Variants in NOL7 observed in about 807,000 individuals in gnomAD.
The protein encoded by NOL7 is U3 small nucleolar RNA-associated protein NOL7.
In NOL7, 36 loss-of-function variants were observed where a neutral mutation model predicts 38.4. That is an observed-to-expected ratio of 0.94 (90% CI 0.72 to 1.24). The LOEUF (loss-of-function observed/expected upper bound fraction) is 1.24. Among genes scored for constraint, NOL7 ranks in the 50% most tolerant of loss-of-function variants. The pLI is 0.00. For synonymous variants in NOL7, 142 were observed against 126.5 expected, an observed-to-expected ratio of 1.12 and a Z score of -0.82; for missense variants, 350 against 315.1, an observed-to-expected ratio of 1.11 and a Z score of -0.84.
At chr6:13,623,074 T>C (rs1442740284), downstream of NOL7, among the ~76,000 whole-genome samples, 3 of 152,138 alleles carry the variant, frequency 2.0e-5, no homozygotes, top group African/African-American at 7.2e-5. Flanking sequence ...CAGTGGACAG[T>C]TCAGACATTT....
At chr6:13,626,575 G>A (rs550336805), downstream of NOL7, among the ~76,000 whole-genome samples, 32 of 152,260 alleles carry the variant, frequency 2.1e-4, no homozygotes, top group South Asian at 8.3e-4. Context: ...AATAAATGAC[G>A]TCTTATTATT....
At chr6:13,621,947 G>A (rs980865068), downstream of NOL7, 7 of 153,840 alleles carry the variant, frequency 4.6e-5, no homozygotes, top group Non-Finnish European at 5.8e-5. Context: ...ATGCTTATAT[G>A]GGAGTGGGGG....
At chr6:13,631,342 G>A (rs964300148) in intron 8 of NOL7, among the ~76,000 whole-genome samples, 1 of 152,094 alleles carries the variant, frequency 6.6e-6, no homozygotes, top group African/African-American at 2.4e-5. Flanking sequence ...CCTAGGCCAG[G>A]CAAGCATGTT....
At position 13,621,220 on chromosome 6, in the gene NOL7, A is replaced by G. The variant is rs556107451; in HGVS notation, c.*393A>G. On this transcript the variant is annotated 3_prime_UTR_variant, in exon 8 of 8. Coordinates refer to ENST00000451315, the MANE Select transcript of NOL7 (RefSeq NM_016167.5). Reference sequence around the variant, plus strand: ...CACAAAATATAGCTAACAGCTTTTAAATTTTTACTTTTAACCAGTCTGGGG... The same window carrying G: ...CACAAAATATAGCTAACAGCTTTTAGATTTTTACTTTTAACCAGTCTGGGG... 1 of 154,610 alleles carries G rather than the reference A, an allele frequency of 6.5e-6. No individual in the cohort carries two copies. The highest frequency in any genetic ancestry group is 2.4e-5 in the African/African-American group (1 of 41,600). 9.6% of individuals were successfully genotyped at this position (154,610 alleles called of 1,614,324 possible). A position where few individuals can be genotyped will look rare whatever the true frequency, so the allele number is the denominator to read the frequency against.
chr6:13,628,498 A>T (rs998010312), intron 8 of NOL7, among the ~76,000 whole-genome samples: 4 of 152,226 alleles, frequency 2.6e-5, no homozygotes, highest in Non-Finnish European at 5.9e-5. Flanking sequence ...CCAATAAGGA[A>T]ATAAGGTTTT....
chr6:13,619,998 TA>T (rs1403514179), intron 5 of NOL7, among the ~76,000 whole-genome samples: 1 of 151,774 alleles, frequency 6.6e-6, no homozygotes, highest in Non-Finnish European at 1.5e-5. Flanking sequence ...CTACTGAAAA[TA>T]AAAAAATTAG....
In NOL7 at chr6:13,632,251, G is replaced by C. The variant is rs1764808044; in HGVS notation, n.574-142G>C. 1.5e-5 allele frequency: 13 copies of C among 859,988 alleles called. No homozygotes were observed. In the Admixed American group the frequency reaches 4.3e-4, roughly 28 times the overall value. 53.3% of individuals were successfully genotyped at this position (859,988 alleles called of 1,614,324 possible). ...CACTCTCAGATGGGCAAGGAGCCAGGGGGAAGGTCAGGTCCCAGTTCCCTA... is the reference window on the plus strand; with the variant it reads ...CACTCTCAGATGGGCAAGGAGCCAGCGGGAAGGTCAGGTCCCAGTTCCCTA... On this transcript the variant is annotated intron_variant and non_coding_transcript_variant, in intron 8 of 8. Coordinates refer to the NOL7 transcript ENST00000474485.
chr6:13,615,865 G>A, intron 2 of NOL7, 93 bp downstream of exon 2: 1 of 1,276,468 alleles, frequency 7.8e-7, no homozygotes, highest in Non-Finnish European at 1.1e-6. Context: ...GGATATTGGA[G>A]TGGGGAAACA....
At chr6:13,631,105 G>A (rs1056334565) in intron 8 of NOL7, among the ~76,000 whole-genome samples, 7 of 152,094 alleles carry the variant, frequency 4.6e-5, no homozygotes, top group African/African-American at 7.2e-5. Context: ...ACCGCGCCCG[G>A]CCTGATTTGA....
At position 13,620,277 on chromosome 6, in the gene NOL7, A is replaced by C. The variant is rs1005290369; in HGVS notation, c.570A>C (p.Ala190=). 1.9e-6 allele frequency: 3 copies of C among 1,614,124 alleles called. No individual in the cohort carries two copies. The African/African-American group carries it at 4.0e-5, about 22-fold the overall frequency. ...QDLRDSRQQA[A]QAFIHNSLYG... Reference sequence around the variant, plus strand: ...TGAGAGATTCAAGGCAACAAGCAGCACAAGCCTTCATACATAATTCATTAT... The same window carrying C: ...TGAGAGATTCAAGGCAACAAGCAGCCCAAGCCTTCATACATAATTCATTAT... The change falls in exon 6 of 8, where the codon GCA becomes GCC. Residue 190 remains alanine, a synonymous_variant. Transcript: ENST00000451315.
intron 8 of NOL7, among the ~76,000 whole-genome samples, chr6:13,626,865 A>G (rs946821896): frequency 3.3e-5 from 5 of 152,204 alleles, no homozygotes; most frequent in African/African-American, 9.6e-5. Context: ...AGGTGGGGGA[A>G]AGGCTTCTGA....
chr6:13,616,484 A>C lies in NOL7; in HGVS notation c.349A>C (p.Thr117Pro), dbSNP rs772497148. The C allele has an allele frequency of 1.9e-6, 3 of 1,608,920 alleles. No individual in the cohort carries two copies. Among genetic ancestry groups the C allele is most frequent in the South Asian group, 2.2e-5 (2 of 89,902 alleles). The change falls in exon 3 of 8, where the codon ACT becomes CCT. Residue 117 changes from threonine to proline, a missense_variant. Thr to Pro is a conservative substitution (Grantham distance 38, BLOSUM62 -1). Coordinates refer to ENST00000451315, the MANE Select transcript of NOL7 (RefSeq NM_016167.5). The stretch of plus-strand genomic sequence containing the variant: ...AAAGAAAAGAAAACTCCTTCCAGAC[A>C]CTATTTTGGAGAAGTTAACCACAGC... ...EQKKRKLLPD[T>P]ILEKLTTASQ...
At chr6:13,617,419 A>G (rs1172670597) in intron 3 of NOL7, among the ~76,000 whole-genome samples, 1 of 152,178 alleles carries the variant, frequency 6.6e-6, no homozygotes, top group African/African-American at 2.4e-5. Context: ...GATTTCTCCA[A>G]ATGAAATGAG....
downstream of NOL7, chr6:13,625,686 G>A: frequency 6.2e-7 from 1 of 1,612,760 alleles, no homozygotes; most frequent in Non-Finnish European, 8.5e-7. Context: ...GAGCACACAG[G>A]TTCTCTCTGA....
downstream of NOL7, chr6:13,622,644 A>T (rs1202415438): frequency 5.0e-6 from 4 of 800,868 alleles, no homozygotes; most frequent in Non-Finnish European, 5.4e-6. Flanking sequence ...CAAAAGACAG[A>T]TGCCGCCTTG....
chr6:13,619,430 A>C (rs578084356), intron 5 of NOL7, among the ~76,000 whole-genome samples: 88 of 152,246 alleles, frequency 5.8e-4, no homozygotes, highest in Non-Finnish European at 1.0e-3. Flanking sequence ...TTGGTGGTCC[A>C]AATCATTACT....
At chr6:13,630,599 C>CA (rs1764751216) in intron 8 of NOL7, among the ~76,000 whole-genome samples, 1 of 151,824 alleles carries the variant, frequency 6.6e-6, no homozygotes, top group Non-Finnish European at 1.5e-5. Flanking sequence ...CACCTGGGTC[C>CA]AAAAACCTTT....
intron 1 of NOL7, 31 bp from the exon 2 acceptor site, chr6:13,615,681 C>A (rs13209523): frequency 6.2e-7 from 1 of 1,614,174 alleles, no homozygotes; most frequent in Non-Finnish European, 8.5e-7. Context: ...GCTTGTCCTT[C>A]CCTTTGCTGA....
intron 7 of NOL7, 22 bp downstream of exon 7, chr6:13,620,507 C>T (rs371769317): frequency 2.5e-6 from 4 of 1,594,712 alleles, no homozygotes; most frequent in Non-Finnish European, 2.6e-6. Flanking sequence ...CTTTATTCTC[C>T]TGTCTCTAAT....
Sources: gnomAD v4.1 joint callset for allele counts (sites outside exome capture counted in the v4.1 genomes callset) on GRCh38, gnomAD v4.1.1 for gene constraint, MANE v1.5 for transcripts, NCBI Gene and HGNC (gene_info 2026-07-23, HGNC 2026-07-21) for gene names.